The following IL1RAPL1 variants were observed in gnomAD, a reference collection of about 807,000 sequenced individuals.
IL1RAPL1 encodes the protein interleukin 1 receptor accessory protein like 1, also known as interleukin-1 receptor accessory protein-like 1.
A neutral mutation model predicts 48.4 loss-of-function variants in IL1RAPL1; 3 were observed. That is an observed-to-expected ratio of 0.06 (90% CI 0.03 to 0.16). The LOEUF is 0.16. Ranked by LOEUF, IL1RAPL1 falls within the 10% of genes least tolerant of loss-of-function variation. IL1RAPL1 has a pLI of 1.00. For synonymous variants in IL1RAPL1, 185 were observed against 187.7 expected, an observed-to-expected ratio of 0.99 and a Z score of 0.12; for missense variants, 349 against 530.6, an observed-to-expected ratio of 0.66 and a Z score of 3.36.
chrX:29,924,806 C>G (rs1382378407), intron 8 of IL1RAPL1, among the ~76,000 whole-genome samples: 1 of 111,763 alleles, frequency 8.9e-6, no homozygotes, highest in East Asian at 2.8e-4. Flanking sequence ...CCCATCTAAC[C>G]CATTTTACTT....
chrX:28,606,247 G>A (rs112173905), intron 1 of IL1RAPL1, among the ~76,000 whole-genome samples: 2 of 112,044 alleles, frequency 1.8e-5, no homozygotes, highest in African/African-American at 6.5e-5. Context: ...TTCTTACCTA[G>A]TGTTACTATT....
chrX:29,217,776 CTCA>C (rs2147547302), intron 2 of IL1RAPL1, among the ~76,000 whole-genome samples: 1 of 37,189 alleles, frequency 2.7e-5, no homozygotes, highest in East Asian at 1.2e-3. Context: ...CTCTCTCTCT[CTCA>C]CACACACACA....
At chrX:28,619,742 G>A (rs770892464) in intron 1 of IL1RAPL1, among the ~76,000 whole-genome samples, 35 of 111,174 alleles carry the variant, frequency 3.1e-4, no homozygotes, top group African/African-American at 8.5e-4. Context: ...CATGATTCAT[G>A]CATAATTTAC....
At chrX:29,456,021 C>T (rs960817098) in intron 5 of IL1RAPL1, among the ~76,000 whole-genome samples, 8 of 108,517 alleles carry the variant, frequency 7.4e-5, no homozygotes, top group East Asian at 2.9e-4. Context: ...TGAGGATCAT[C>T]GAAAACAAAC....
chrX:29,463,272 T>C (rs1934823663), intron 5 of IL1RAPL1, among the ~76,000 whole-genome samples: 1 of 111,122 alleles, frequency 9.0e-6, no homozygotes, highest in South Asian at 3.8e-4. Context: ...TTGGATGGTA[T>C]AGCTTTACGA....
intron 2 of IL1RAPL1, among the ~76,000 whole-genome samples, chrX:28,932,452 G>A (rs1000831866): frequency 2.7e-5 from 3 of 111,231 alleles, no homozygotes; most frequent in Non-Finnish European, 5.7e-5. Flanking sequence ...TATTTTCCTG[G>A]ATGTGTGCTT....
Position 28,702,888 on chromosome X carries a change from A to G in IL1RAPL1, c.-24-86432A>G, listed in dbSNP as rs1935318361. On this transcript the variant is annotated intron_variant, in intron 1 of 10. Coordinates refer to ENST00000378993, the MANE Select transcript of IL1RAPL1 (RefSeq NM_014271.4). ...AAGACTGTAGCTTCAAACATTCAAA[A>G]TGGAATTGAGACCTAAACTATTCTA... is the stretch of plus-strand genomic sequence containing the variant. Among the ~76,000 whole-genome samples, 3 of 110,489 alleles carry G rather than the reference A, an allele frequency of 2.7e-5. No individual in the cohort carries two copies. In the South Asian group the frequency reaches 1.1e-3, roughly 42 times the overall value.
intron 2 of IL1RAPL1, among the ~76,000 whole-genome samples, chrX:29,148,107 A>G (rs1458671771): frequency 8.9e-6 from 1 of 112,141 alleles, no homozygotes; most frequent in East Asian, 2.8e-4. Context: ...ATATGCATAT[A>G]TTGTATGTGT....
At chrX:28,935,737 G>T (rs1434735527) in intron 2 of IL1RAPL1, among the ~76,000 whole-genome samples, 1 of 111,752 alleles carries the variant, frequency 8.9e-6, no homozygotes, top group Non-Finnish European at 1.9e-5. Flanking sequence ...AATAATTTAT[G>T]AATTAACATA....
intron 2 of IL1RAPL1, among the ~76,000 whole-genome samples, chrX:29,189,200 G>A (rs536668200): frequency 2.7e-5 from 3 of 112,143 alleles, no homozygotes; most frequent in African/African-American, 9.7e-5. Context: ...ATTTTGCAAC[G>A]TATTGCCATT....
chrX:28,899,926 T>C (rs758170237), intron 2 of IL1RAPL1, among the ~76,000 whole-genome samples: 123 of 112,361 alleles, frequency 1.1e-3, no homozygotes, highest in African/African-American at 3.8e-3. Flanking sequence ...AATTGAAAAT[T>C]GTTAAAGGCA....
intron 2 of IL1RAPL1, among the ~76,000 whole-genome samples, chrX:29,194,248 CTTTG>C (rs1930402497): frequency 8.9e-6 from 1 of 112,421 alleles, no homozygotes; most frequent in Non-Finnish European, 1.9e-5. Context: ...CATGTAAATG[CTTTG>C]TTTTTTTCTC....
intron 6 of IL1RAPL1, among the ~76,000 whole-genome samples, chrX:29,722,643 C>T (rs1383897439): frequency 9.0e-6 from 1 of 111,664 alleles, no homozygotes; most frequent in Non-Finnish European, 1.9e-5. Context: ...TTCAACACCA[C>T]ATCAGGACCA....
At chrX:29,446,006 G>A (rs1036460499) in intron 5 of IL1RAPL1, among the ~76,000 whole-genome samples, 2 of 112,197 alleles carry the variant, frequency 1.8e-5, no homozygotes, top group African/African-American at 6.5e-5. Flanking sequence ...ACGACATACT[G>A]TAGAAAACTG....
In IL1RAPL1 at chrX:29,803,013, ATGTGTACATATACATG is replaced by A. The variant is rs1569173404; in HGVS notation, c.779-114449_779-114434del. The stretch of plus-strand genomic sequence containing the variant: ...CATATATATGTATGCATATATACAT[ATGTGTACATATACATG>A]TATGCATATATACATATATGTGTAC... On this transcript the variant is annotated intron_variant, in intron 6 of 10. Coordinates refer to ENST00000378993, the MANE Select transcript of IL1RAPL1 (RefSeq NM_014271.4). Among the ~76,000 whole-genome samples, 52 of 24,944 alleles carry A rather than the reference ATGTGTACATATACATG, an allele frequency of 2.1e-3. 5 individuals are homozygous for A. The highest frequency in any genetic ancestry group is 7.3e-3 in the African/African-American group (48 of 6,587). The allele number at this position is 24,944 out of a possible 115,157, so 21.7% of individuals were successfully genotyped here. A position where few individuals can be genotyped will look rare whatever the true frequency, so the allele number is the denominator to read the frequency against.
At chrX:29,396,491 C>T (rs1933920693) in intron 4 of IL1RAPL1, 47 bp downstream of exon 4, 1 of 1,094,849 alleles carries the variant, frequency 9.1e-7, no homozygotes, top group African/African-American at 1.8e-5. Context: ...ATTAATTGTG[C>T]CTTATATTCT....
At chrX:29,608,241 C>T (rs1167412539) in intron 5 of IL1RAPL1, among the ~76,000 whole-genome samples, 1 of 111,639 alleles carries the variant, frequency 9.0e-6, no homozygotes, top group Non-Finnish European at 1.9e-5. Flanking sequence ...GTCAAGATTG[C>T]AAAAGTAGAA....
At chrX:29,455,431 T>C (rs1934728402) in intron 5 of IL1RAPL1, among the ~76,000 whole-genome samples, 1 of 112,090 alleles carries the variant, frequency 8.9e-6, no homozygotes, top group Non-Finnish European at 1.9e-5. Flanking sequence ...AGTGAGGTTA[T>C]AATATACACT....
intron 1 of IL1RAPL1, among the ~76,000 whole-genome samples, chrX:28,772,168 T>C (rs1367866232): frequency 1.8e-5 from 2 of 110,855 alleles, no homozygotes; most frequent in African/African-American, 6.6e-5. Context: ...AGAAATGCTC[T>C]CAACAGAGAA....
Sources: gnomAD v4.1 joint callset for allele counts (sites outside exome capture counted in the v4.1 genomes callset) on GRCh38, gnomAD v4.1.1 for gene constraint, MANE v1.5 for transcripts, NCBI Gene and HGNC (gene_info 2026-07-23, HGNC 2026-07-21) for gene names.